Variants in PKNOX2 observed in about 807,000 individuals in gnomAD.
The protein encoded by PKNOX2 is homeobox protein PKNOX2.
Under a neutral mutation model 53.1 loss-of-function variants are expected in PKNOX2, and 14 were observed. The ratio of observed to expected loss-of-function variants is 0.26; its 90% confidence interval spans 0.17 to 0.41. The LOEUF is 0.41. Among genes scored for constraint, PKNOX2 ranks in the 10% least tolerant of loss-of-function variants. The pLI, the probability that PKNOX2 is intolerant of heterozygous loss-of-function variation, is 1.00. For synonymous variants in PKNOX2, 257 were observed against 242.8 expected (o/e 1.06, Z -0.54); for missense variants, 496 against 602.8 (o/e 0.82, Z 1.85).
At chr11:125,289,109 C>A (rs1174711717) in intron 2 of PKNOX2, among the ~76,000 whole-genome samples, 1 of 152,236 alleles carries the variant, frequency 6.6e-6, no homozygotes, top group African/African-American at 2.4e-5. Context: ...GTGTAGAGAT[C>A]TCCAGAGGAT....
At chr11:125,217,521 T>C (rs1400384586) in intron 1 of PKNOX2, among the ~76,000 whole-genome samples, 2 of 152,168 alleles carry the variant, frequency 1.3e-5, no homozygotes, top group Admixed American at 1.3e-4. Flanking sequence ...AGAGTTGTTG[T>C]GGGGAATGTG....
At chr11:125,225,245 C>G (rs990851530) in intron 1 of PKNOX2, among the ~76,000 whole-genome samples, 1 of 152,192 alleles carries the variant, frequency 6.6e-6, no homozygotes, top group African/African-American at 2.4e-5. Flanking sequence ...ACTTAACTCC[C>G]TAGTCAACTG....
At chr11:125,410,379 G>C (rs1399301515) in intron 8 of PKNOX2, 54 bp downstream of exon 8, 1 of 1,607,504 alleles carries the variant, frequency 6.2e-7, no homozygotes, top group African/African-American at 1.3e-5. Flanking sequence ...GAGGAGAAAG[G>C]GTGGCCCCGA....
intron 2 of PKNOX2, among the ~76,000 whole-genome samples, chr11:125,238,900 C>T (rs1942943698): frequency 6.6e-6 from 1 of 152,098 alleles, no homozygotes; most frequent in Non-Finnish European, 1.5e-5. Flanking sequence ...GCCTTGGCAC[C>T]CCTGTGATCC....
At chr11:125,287,511 A>T (rs981001406) in intron 2 of PKNOX2, among the ~76,000 whole-genome samples, 2 of 152,046 alleles carry the variant, frequency 1.3e-5, no homozygotes, top group Non-Finnish European at 2.9e-5. Context: ...TGTGGCGGGG[A>T]GGAAGGGGTG....
intron 1 of PKNOX2, among the ~76,000 whole-genome samples, chr11:125,176,661 C>G (rs1268118779): frequency 6.6e-6 from 1 of 152,180 alleles, no homozygotes; most frequent in Non-Finnish European, 1.5e-5. Context: ...CCTGGCCTGA[C>G]CTCATGCTGA....
At chr11:125,425,372 G>A (rs1956359458) in intron 10 of PKNOX2, among the ~76,000 whole-genome samples, 1 of 152,190 alleles carries the variant, frequency 6.6e-6, no homozygotes, top group South Asian at 2.1e-4. Flanking sequence ...AGTCTGTTCT[G>A]TACCTCTTTT....
At chr11:125,424,495 C>T (rs1956314192) in intron 10 of PKNOX2, among the ~76,000 whole-genome samples, 1 of 152,122 alleles carries the variant, frequency 6.6e-6, no homozygotes, top group African/African-American at 2.4e-5. Flanking sequence ...TAGAGTGGAA[C>T]CACCCCAGAG....
At chr11:125,417,010 G>A (rs1485411588) in intron 10 of PKNOX2, among the ~76,000 whole-genome samples, 1 of 152,010 alleles carries the variant, frequency 6.6e-6, no homozygotes, top group Admixed American at 6.5e-5. Flanking sequence ...CGTTTCATAC[G>A]TTAGCTGCTC....
chr11:125,351,305 C>T lies in PKNOX2; in HGVS notation c.-1C>T, dbSNP rs1413796571. 6.3e-7 allele frequency: 1 copy of T among 1,596,270 alleles called. No homozygotes were observed. Among genetic ancestry groups the T allele is most frequent in the Non-Finnish European group, 8.6e-7 (1 of 1,166,158 alleles). ...ACAGGTCCTCCATGTGAATCAATCC[C>T]ATGATGCAACATGCCTCCCCAGCCC... is the stretch of plus-strand genomic sequence containing the variant. On this transcript the variant is annotated 5_prime_UTR_variant, in exon 4 of 13. Coordinates refer to ENST00000298282, the MANE Select transcript of PKNOX2 (RefSeq NM_001382323.2).
At chr11:125,252,866 A>G (rs1425986761) in intron 2 of PKNOX2, among the ~76,000 whole-genome samples, 1 of 152,178 alleles carries the variant, frequency 6.6e-6, no homozygotes, top group African/African-American at 2.4e-5. Context: ...AGACAGCTGC[A>G]TCTGTCGAGT....
rs1397763281 is a variant in PKNOX2 at position 125,420,051 on chromosome 11, G to T, written c.936+8186G>T. 8.6e-5 allele frequency among the ~76,000 whole-genome samples: 13 copies of T among 151,508 alleles called. No homozygotes were observed. In the East Asian group the frequency reaches 2.5e-3, roughly 29 times the overall value. ...AAATACAAAAAAATAGCCAGGCATG[G>T]TGGTGGGCACCTGTAGTCCCAGCTA... On this transcript the variant is annotated intron_variant, in intron 10 of 12. Transcript: ENST00000298282.
intron 1 of PKNOX2, among the ~76,000 whole-genome samples, chr11:125,187,288 G>A (rs1052778538): frequency 6.6e-6 from 1 of 151,944 alleles, no homozygotes; most frequent in Admixed American, 6.6e-5. Context: ...TGAATCTGCA[G>A]ATTGTTTGTT....
Position 125,332,494 on chromosome 11 carries a change from C to T in PKNOX2, c.-23+569C>T, listed in dbSNP as rs372737847. ...TTTGAATAGAGAATCTCATTTAATCCTCTTATCTGATAGGGTTTTTTAAAT... is the reference window on the plus strand; with the variant it reads ...TTTGAATAGAGAATCTCATTTAATCTTCTTATCTGATAGGGTTTTTTAAAT... On this transcript the variant is annotated intron_variant, in intron 3 of 12. Transcript: ENST00000298282. 7.5e-4 allele frequency: 114 copies of T among 152,262 alleles called. 1 individual carries two copies. The highest frequency in any genetic ancestry group is 2.5e-3 in the African/African-American group (105 of 41,554). The allele number at this position is 152,262 out of a possible 1,614,324, so 9.4% of individuals were successfully genotyped here. A position where few individuals can be genotyped will look rare whatever the true frequency, so the allele number is the denominator to read the frequency against.
chr11:125,414,291 G>A (rs1260273503), intron 10 of PKNOX2, among the ~76,000 whole-genome samples: 2 of 152,210 alleles, frequency 1.3e-5, no homozygotes, highest in East Asian at 1.9e-4. Flanking sequence ...CGCATGAGGA[G>A]GGGCTTTCTG....
At chr11:125,257,069 G>A (rs1025115268) in intron 2 of PKNOX2, among the ~76,000 whole-genome samples, 19 of 150,740 alleles carry the variant, frequency 1.3e-4, no homozygotes, top group African/African-American at 4.6e-4. Context: ...TTATGCTTCA[G>A]TTACAATTTT....
At position 125,346,662 on chromosome 11, in the gene PKNOX2, T is replaced by C. The variant is rs572942180; in HGVS notation, c.-22-4622T>C. On this transcript the variant is annotated intron_variant, in intron 3 of 12. Coordinates refer to ENST00000298282, the MANE Select transcript of PKNOX2 (RefSeq NM_001382323.2). The stretch of plus-strand genomic sequence containing the variant: ...CCTACCTGTCTCAAGGGAAGGAAAA[T>C]CATGAACATGCTGCTTGTATGTGTC... 1.4e-4 allele frequency among the ~76,000 whole-genome samples: 22 copies of C among 152,068 alleles called. 1 individual carries two copies. Among genetic ancestry groups the C allele is most frequent in the African/African-American group, 5.1e-4 (21 of 41,480 alleles).
rs1954894967 is a variant in PKNOX2 at position 125,166,595 on chromosome 11, G to A, written c.-201+1819G>A. On this transcript the variant is annotated intron_variant, in intron 1 of 12. Transcript: ENST00000298282. The surrounding 1 kb of genome is among the most constrained non-coding windows in gnomAD (Gnocchi z 4.0). Reference sequence around the variant, plus strand: ...GGCGGGGCGGGAGCGGTGGCCCGCAGGGGCCGCGGCCTGCGATGAAGGCCG... The same window carrying A: ...GGCGGGGCGGGAGCGGTGGCCCGCAAGGGCCGCGGCCTGCGATGAAGGCCG... Among the ~76,000 whole-genome samples, 1 of 152,150 alleles carries A rather than the reference G, an allele frequency of 6.6e-6. No individual in the cohort carries two copies.
intron 2 of PKNOX2, among the ~76,000 whole-genome samples, chr11:125,236,076 T>A (rs995935910): frequency 6.6e-6 from 1 of 152,222 alleles, no homozygotes; most frequent in African/African-American, 2.4e-5. Context: ...TTAACCGTTA[T>A]CAGCGCACAT....
Sources: allele counts gnomAD v4.1 joint callset (sites outside exome capture counted in the v4.1 genomes callset), GRCh38; gene constraint gnomAD v4.1.1; non-coding constraint Gnocchi (gnomAD v3.1); transcripts MANE v1.5; gene names NCBI Gene and HGNC (gene_info 2026-07-23, HGNC 2026-07-21).